The following OPA3 variants were observed in gnomAD, a reference collection of about 807,000 sequenced individuals.
The protein encoded by OPA3 is optic atrophy 3 protein.
A neutral mutation model predicts 4.0 loss-of-function variants in OPA3; 6 were observed. That is an observed-to-expected ratio of 1.51 (90% CI 0.83 to 2.99). The LOEUF is 2.99. OPA3 is among the 30% of genes most tolerant of loss of function. The pLI is 0.00. For missense variants in OPA3, 235 were observed against 256.2 expected, an observed-to-expected ratio of 0.92 and a Z score of 0.56; for synonymous variants, 105 against 117.1, an observed-to-expected ratio of 0.90 and a Z score of 0.67.
At chr19:45,536,971 C>A (rs999209561) in intron 1 of OPA3, among the ~76,000 whole-genome samples, 1 of 151,998 alleles carries the variant, frequency 6.6e-6, no homozygotes, top group Non-Finnish European at 1.5e-5. Context: ...CTGGCTCATG[C>A]CTATAAACTG....
At chr19:45,535,893 T>C (rs777452679) in intron 1 of OPA3, among the ~76,000 whole-genome samples, 3 of 151,284 alleles carry the variant, frequency 2.0e-5, no homozygotes, top group Non-Finnish European at 4.4e-5. Context: ...GCCTCCTGAG[T>C]AGCTGGGACT....
In OPA3 at chr19:45,548,647, GTTTTAT is replaced by G. The variant is rs1160950953; in HGVS notation, c.*4861_*4866del. ...GAGTGGGTAACTCAGTGAGTTTTGT[GTTTTAT>G]TTTTTTTATTTTTTTTTTTTTTGCG... On this transcript the variant is annotated 3_prime_UTR_variant, in exon 2 of 2. Transcript: ENST00000263275. 5.3e-6 allele frequency: 5 copies of G among 950,726 alleles called. No homozygotes were observed. The highest frequency in any genetic ancestry group is 6.1e-6 in the Non-Finnish European group (5 of 820,786). 58.9% of individuals were successfully genotyped at this position (950,726 alleles called of 1,614,324 possible).
chr19:45,576,755 C>T (rs989461231), intron 1 of OPA3, among the ~76,000 whole-genome samples: 1 of 152,070 alleles, frequency 6.6e-6, no homozygotes, highest in African/African-American at 2.4e-5. Flanking sequence ...CTCTTGCCTC[C>T]CTCTTTCCCT....
intron 1 of OPA3, among the ~76,000 whole-genome samples, chr19:45,539,477 C>T (rs565133247): frequency 1.2e-4 from 19 of 152,168 alleles, no homozygotes; most frequent in Non-Finnish European, 1.8e-4. Context: ...CTGCCACGCT[C>T]GGCTAATTTC....
In OPA3 at chr19:45,553,685, C is replaced by T. The variant is rs781320613; in HGVS notation, c.369G>A (p.Arg123=). The change falls in exon 2 of 2, where the codon CGG becomes CGA. Residue 123 remains arginine, a synonymous_variant. Coordinates refer to ENST00000263275, the MANE Select transcript of OPA3 (RefSeq NM_025136.4). ...CCAGCGCCAGGTGGCCCACCTCGTC[C>T]CGCAGCGCGTTCCAGGCAGCACGCT... The part of the protein sequence containing the change: ...EEQRAAWNAL[R]DEVGHLALAL... The T allele has an allele frequency of 3.1e-6, 5 of 1,605,912 alleles. No homozygotes were observed. Among genetic ancestry groups the T allele is most frequent in the Non-Finnish European group, 8.5e-7 (1 of 1,178,706 alleles).
chr19:45,531,759 T>A (rs10439107), intron 1 of OPA3, among the ~76,000 whole-genome samples: 1 of 152,198 alleles, frequency 6.6e-6, no homozygotes, highest in African/African-American at 2.4e-5. Flanking sequence ...TTCCACGATG[T>A]GTAAAGGCAG....
chr19:45,558,666 G>C (rs1406767236), intron 1 of OPA3, among the ~76,000 whole-genome samples: 1 of 151,388 alleles, frequency 6.6e-6, no homozygotes, highest in Non-Finnish European at 1.5e-5. Context: ...CCCTTTCTCC[G>C]CTCCCCCATT....
rs762454431 is a variant in OPA3 at position 45,553,844 on chromosome 19, C to G, written c.210G>C (p.Pro70=). ...GCTCAGCTGCCGCCTCCTCGTTCAG[C>G]GGCTTGATGACCGTGCCCCGGAAGC... is the stretch of plus-strand genomic sequence containing the variant. ...IMGFRGTVIK[P]LNEEAAAELG... Residue 70 remains proline, a synonymous_variant, in exon 2 of 2, where the codon CCG becomes CCC. Coordinates refer to ENST00000263275, the MANE Select transcript of OPA3 (RefSeq NM_025136.4). 5 of 1,612,834 alleles carry G rather than the reference C, an allele frequency of 3.1e-6. No homozygotes were observed. The highest frequency in any genetic ancestry group is 4.2e-6 in the Non-Finnish European group (5 of 1,179,330).
intron 1 of OPA3, among the ~76,000 whole-genome samples, chr19:45,559,535 G>A (rs1297445090): frequency 3.3e-5 from 5 of 151,082 alleles, no homozygotes; most frequent in Non-Finnish European, 5.9e-5. Context: ...CCATGTAGCT[G>A]GGACTACAGG....
intron 1 of OPA3, chr19:45,529,521 G>C: frequency 6.3e-7 from 1 of 1,579,684 alleles, no homozygotes; most frequent in Non-Finnish European, 8.7e-7. Context: ...CCGACCCTCT[G>C]TGCTTCGATG....
intron 1 of OPA3, among the ~76,000 whole-genome samples, chr19:45,563,636 G>T (rs1304694813): frequency 1.3e-5 from 2 of 151,014 alleles, no homozygotes; most frequent in Non-Finnish European, 3.0e-5. Flanking sequence ...GCTTACTGTG[G>T]CCTGGAATCC....
Position 45,549,909 on chromosome 19 carries a change from G to A in OPA3, c.*3605C>T, listed in dbSNP as rs1599959403. The A allele has an allele frequency of 1.0e-6, 1 of 955,128 alleles. No homozygotes were observed. The highest frequency in any genetic ancestry group is 1.2e-6 in the Non-Finnish European group (1 of 802,708). The allele number at this position is 955,128 out of a possible 1,614,324, so 59.2% of individuals were successfully genotyped here. ...GCGGTGGCTCACGCCTGTAATCCCA[G>A]CACTTTGGGAGGCCGAGGCGGGCGG... is the stretch of plus-strand genomic sequence containing the variant. On this transcript the variant is annotated 3_prime_UTR_variant, in exon 2 of 2. Transcript: ENST00000263275.
chr19:45,529,583 G>T (rs12971437), intron 1 of OPA3: 1 of 1,200,684 alleles, frequency 8.3e-7, no homozygotes, highest in Non-Finnish European at 1.2e-6. Context: ...GCGTGCTGGC[G>T]GGGACGCCTT....
At chr19:45,579,898 A>T (rs1969820952) in intron 1 of OPA3, among the ~76,000 whole-genome samples, 1 of 152,082 alleles carries the variant, frequency 6.6e-6, no homozygotes, top group African/African-American at 2.4e-5. Context: ...CGGAAATTGA[A>T]GCTAAGAGGG....
chr19:45,569,800 C>A (rs1229829968), intron 1 of OPA3, among the ~76,000 whole-genome samples: 1 of 152,130 alleles, frequency 6.6e-6, no homozygotes, highest in African/African-American at 2.4e-5. Flanking sequence ...AGCAGCCCTA[C>A]TGAGGCCATG....
At chr19:45,545,268 A>C (rs1969236422), downstream of OPA3, among the ~76,000 whole-genome samples, 1 of 151,736 alleles carries the variant, frequency 6.6e-6, no homozygotes, top group African/African-American at 2.4e-5. Flanking sequence ...GGTGGCTCAC[A>C]CCTGTAATCC....
downstream of OPA3, among the ~76,000 whole-genome samples, chr19:45,542,754 G>A (rs117254747): frequency 0.05 from 7,270 of 144,108 alleles, 247 homozygotes; most frequent in Non-Finnish European, 0.077. Context: ...GCTCACTGCA[G>A]CCTCCAACTC....
intron 1 of OPA3, among the ~76,000 whole-genome samples, chr19:45,536,239 A>T (rs1159246458): frequency 6.7e-6 from 1 of 150,336 alleles, no homozygotes; most frequent in African/African-American, 2.5e-5. Context: ...AAAAAAAAAA[A>T]AAAAATTAAA....
At chr19:45,527,748 A>T (rs1161808007) in exon 2 of OPA3, 1 of 152,110 alleles carries the variant, frequency 6.6e-6, no homozygotes, top group African/African-American at 2.4e-5. Flanking sequence ...GACGCACATT[A>T]TGGTTCTCAG....
Sources: gnomAD v4.1 joint callset for allele counts (sites outside exome capture counted in the v4.1 genomes callset) on GRCh38, gnomAD v4.1.1 for gene constraint, MANE v1.5 for transcripts, NCBI Gene and HGNC (gene_info 2026-07-23, HGNC 2026-07-21) for gene names.